Variants in KIAA1217 observed in about 807,000 individuals in gnomAD.
KIAA1217 encodes sickle tail protein homolog.
Under a neutral mutation model 163.9 loss-of-function variants are expected in KIAA1217, and 88 were observed. That is an observed-to-expected ratio of 0.54 (90% CI 0.45 to 0.64). KIAA1217 has a LOEUF of 0.64. Ranked by LOEUF, KIAA1217 falls within the 30% of genes least tolerant of loss-of-function variation. The probability of loss-of-function intolerance (pLI) is 0.00; values close to 1 mark genes in which losing one functional copy is unlikely to be tolerated. For synonymous variants in KIAA1217, 903 were observed against 923.1 expected (o/e 0.98, Z 0.39); for missense variants, 2,372 against 2,475.0 (o/e 0.96, Z 0.88).
At chr10:24,244,819 C>T (rs1399482666) in intron 2 of KIAA1217, among the ~76,000 whole-genome samples, 1 of 152,106 alleles carries the variant, frequency 6.6e-6, no homozygotes, top group Non-Finnish European at 1.5e-5. Context: ...CCTGCCTCAT[C>T]CTCTCAAAGT....
chr10:24,137,949 G>T (rs1044104227), intron 2 of KIAA1217, among the ~76,000 whole-genome samples: 42 of 152,086 alleles, frequency 2.8e-4, no homozygotes, highest in Admixed American at 2.6e-3. Context: ...AAGGATGGTT[G>T]TTTTTCTTTA....
At chr10:24,086,843 C>T (rs1471175792) in intron 2 of KIAA1217, among the ~76,000 whole-genome samples, 1 of 152,160 alleles carries the variant, frequency 6.6e-6, no homozygotes, top group African/African-American at 2.4e-5. Flanking sequence ...CATGGGGTAA[C>T]CTTGACCCAG....
At chr10:24,003,416 T>C (rs1465387448) in intron 1 of KIAA1217, among the ~76,000 whole-genome samples, 1 of 152,204 alleles carries the variant, frequency 6.6e-6, no homozygotes, top group African/African-American at 2.4e-5. Flanking sequence ...TAATTAGTGA[T>C]GTTGAGCTTT....
intron 3 of KIAA1217, among the ~76,000 whole-genome samples, chr10:24,391,497 A>G (rs1287969776): frequency 6.6e-6 from 1 of 151,982 alleles, no homozygotes; most frequent in Non-Finnish European, 1.5e-5. Flanking sequence ...GGCAACGGCC[A>G]ACACACCTGG....
intron 5 of KIAA1217, among the ~76,000 whole-genome samples, chr10:24,446,498 G>C (rs1009810898): frequency 3.9e-5 from 6 of 152,186 alleles, no homozygotes; most frequent in Admixed American, 2.0e-4. Context: ...TCACAGGGCA[G>C]TGTTCTTGTT....
chr10:24,275,577 A>T (rs1022181583), intron 2 of KIAA1217: 2 of 448,206 alleles, frequency 4.5e-6, no homozygotes, highest in African/African-American at 4.0e-5. Context: ...GGTGATGGGC[A>T]TATTTACAAA....
At chr10:23,920,917 A>G (rs2131291353) in intron 1 of KIAA1217, among the ~76,000 whole-genome samples, 1 of 152,252 alleles carries the variant, frequency 6.6e-6, no homozygotes, top group East Asian at 1.9e-4. Flanking sequence ...AAGTCTCATG[A>G]TTTTATAAAG....
chr10:23,864,144 A>G (rs1311242355), intron 1 of KIAA1217, among the ~76,000 whole-genome samples: 1 of 151,766 alleles, frequency 6.6e-6, no homozygotes, highest in Non-Finnish European at 1.5e-5. Context: ...GAGGAATTAC[A>G]TAAAAGGTCA....
intron 5 of KIAA1217, among the ~76,000 whole-genome samples, chr10:24,453,474 T>C (rs576085706): frequency 6.6e-6 from 1 of 152,228 alleles, no homozygotes; most frequent in Non-Finnish European, 1.5e-5. Context: ...AGATTTAGAT[T>C]ATCCAGTATT....
intron 2 of KIAA1217, among the ~76,000 whole-genome samples, chr10:24,036,891 G>A (rs1044930111): frequency 6.6e-6 from 1 of 152,158 alleles, no homozygotes; most frequent in African/African-American, 2.4e-5. Context: ...AATCAACAGG[G>A]TAAGCACTTA....
intron 2 of KIAA1217, among the ~76,000 whole-genome samples, chr10:24,077,563 T>G (rs1171336495): frequency 1.3e-5 from 2 of 152,256 alleles, no homozygotes; most frequent in Non-Finnish European, 2.9e-5. Context: ...TACCACATTT[T>G]CTTTATCCAG....
At chr10:23,946,344 G>GA (rs938042397) in intron 1 of KIAA1217, among the ~76,000 whole-genome samples, 19 of 146,930 alleles carry the variant, frequency 1.3e-4, no homozygotes, top group Admixed American at 2.7e-4. Context: ...TGGCATATAG[G>GA]AAAAAAAAAA....
intron 1 of KIAA1217, among the ~76,000 whole-genome samples, chr10:23,992,904 A>G (rs1383388719): frequency 2.0e-5 from 3 of 151,776 alleles, no homozygotes; most frequent in Non-Finnish European, 2.9e-5. Flanking sequence ...AACTGAACCA[A>G]CACTGCGGGA....
intron 2 of KIAA1217, among the ~76,000 whole-genome samples, chr10:24,064,497 G>A (rs570589207): frequency 6.6e-6 from 1 of 152,180 alleles, no homozygotes; most frequent in African/African-American, 2.4e-5. Context: ...AAGCCCACTT[G>A]ATCATGGTGG....
chr10:23,995,887 G>T (rs908419428), intron 1 of KIAA1217, among the ~76,000 whole-genome samples: 8 of 152,078 alleles, frequency 5.3e-5, no homozygotes, highest in Admixed American at 1.3e-4. Flanking sequence ...TCTGAATCCT[G>T]GTCCCCAGTC....
intron 15 of KIAA1217, among the ~76,000 whole-genome samples, chr10:24,532,298 T>TA (rs1313004644): frequency 6.6e-6 from 1 of 152,212 alleles, no homozygotes; most frequent in African/African-American, 2.4e-5. Context: ...CAAGAAAGAT[T>TA]ATCTTCCAAA....
intron 1 of KIAA1217, among the ~76,000 whole-genome samples, chr10:23,894,776 C>T (rs2131224798): frequency 6.6e-6 from 1 of 150,604 alleles, no homozygotes; most frequent in African/African-American, 2.4e-5. Flanking sequence ...CAGCATGGTA[C>T]TGGTACCAAA....
intron 1 of KIAA1217, among the ~76,000 whole-genome samples, chr10:23,892,691 T>G (rs1841465711): frequency 6.6e-6 from 1 of 151,978 alleles, no homozygotes; most frequent in African/African-American, 2.4e-5. Flanking sequence ...TTAATAATGA[T>G]AGCTTATTTT....
intron 2 of KIAA1217, among the ~76,000 whole-genome samples, chr10:24,328,236 T>A (rs541735106): frequency 6.6e-6 from 1 of 152,180 alleles, no homozygotes. Flanking sequence ...TAGGGGGTTA[T>A]GTAGCAGGGA....
Sources: allele counts gnomAD v4.1 joint callset (sites outside exome capture counted in the v4.1 genomes callset), GRCh38; gene constraint gnomAD v4.1.1; transcripts MANE v1.5; gene names NCBI Gene and HGNC (gene_info 2026-07-23, HGNC 2026-07-21).